The following SLC4A10 variants were observed in gnomAD, a reference collection of about 807,000 sequenced individuals.
SLC4A10 encodes the protein solute carrier family 4 member 10.
Under a neutral mutation model 137.7 loss-of-function variants are expected in SLC4A10, and 42 were observed. The ratio of observed to expected loss-of-function variants is 0.30; its 90% CI spans 0.24 to 0.39. The LOEUF is 0.39. Ranked by LOEUF, SLC4A10 falls within the 10% of genes least tolerant of loss-of-function variation. SLC4A10 has a pLI of 1.00. For synonymous variants in SLC4A10, 474 were observed against 464.1 expected, an observed-to-expected ratio of 1.02 and a Z score of -0.27; for missense variants, 925 against 1,355.0, an observed-to-expected ratio of 0.68 and a Z score of 4.98.
At chr2:161,882,581 A>C in intron 10 of SLC4A10, 137 bp downstream of exon 10, 1 of 479,628 alleles carries the variant, frequency 2.1e-6, no homozygotes, top group Non-Finnish European at 3.7e-6. Context: ...TTCTGCTATA[A>C]AATCTCCTTT....
intron 3 of SLC4A10, among the ~76,000 whole-genome samples, chr2:161,826,030 A>G (rs1183081320): frequency 6.6e-6 from 1 of 152,234 alleles, no homozygotes; most frequent in Non-Finnish European, 1.5e-5. Context: ...TAATGAAATT[A>G]CTAATTAGAA....
intron 1 of SLC4A10, among the ~76,000 whole-genome samples, chr2:161,650,031 A>G (rs904765484): frequency 3.3e-5 from 5 of 152,212 alleles, no homozygotes; most frequent in African/African-American, 4.8e-5. Context: ...CAACTAAGCT[A>G]TAGATTACAT....
chr2:161,720,266 G>A (rs1422965944), intron 1 of SLC4A10, among the ~76,000 whole-genome samples: 1 of 151,990 alleles, frequency 6.6e-6, no homozygotes, highest in Non-Finnish European at 1.5e-5. Flanking sequence ...CTCTGTTTTG[G>A]TACCAGTACC....
chr2:161,953,453 C>G (rs146357347), intron 19 of SLC4A10, among the ~76,000 whole-genome samples: 4,437 of 152,056 alleles, frequency 0.029, 97 homozygotes, highest in South Asian at 0.076. Flanking sequence ...ACTAAAAACA[C>G]AAAGATTAGC....
chr2:161,954,060 G>A (rs1284577655), intron 19 of SLC4A10, among the ~76,000 whole-genome samples: 1 of 152,138 alleles, frequency 6.6e-6, no homozygotes, highest in Non-Finnish European at 1.5e-5. Flanking sequence ...GACAGTTCAG[G>A]CTTCTTTTGA....
chr2:161,762,480 C>G (rs1177013025), intron 1 of SLC4A10, among the ~76,000 whole-genome samples: 1 of 152,040 alleles, frequency 6.6e-6, no homozygotes, highest in African/African-American at 2.4e-5. Context: ...TTGAGTCTTT[C>G]ATATTTGTAT....
At chr2:161,968,013 C>G (rs1465920680) in intron 23 of SLC4A10, among the ~76,000 whole-genome samples, 2 of 150,176 alleles carry the variant, frequency 1.3e-5, no homozygotes, top group African/African-American at 4.9e-5. Context: ...ATATAATCAT[C>G]TCTTTCACAG....
chr2:161,802,169 G>T (rs1056792993), intron 2 of SLC4A10, among the ~76,000 whole-genome samples: 1 of 151,990 alleles, frequency 6.6e-6, no homozygotes, highest in Non-Finnish European at 1.5e-5. Context: ...CCTGAATATA[G>T]AAACTATCTT....
chr2:161,906,415 C>T (rs978846961), intron 15 of SLC4A10, among the ~76,000 whole-genome samples: 3 of 152,156 alleles, frequency 2.0e-5, no homozygotes, highest in Non-Finnish European at 2.9e-5. Flanking sequence ...TGGAAATACT[C>T]AGATATTAGT....
intron 3 of SLC4A10, among the ~76,000 whole-genome samples, chr2:161,838,905 G>A (rs1329390117): frequency 1.3e-5 from 2 of 152,186 alleles, no homozygotes; most frequent in Non-Finnish European, 2.9e-5. Flanking sequence ...CAGTTTGGCA[G>A]TGTCTCAGAA....
intron 16 of SLC4A10, among the ~76,000 whole-genome samples, chr2:161,944,804 G>T (rs1391900298): frequency 3.3e-5 from 5 of 151,466 alleles, no homozygotes; most frequent in African/African-American, 1.2e-4. Context: ...TAAAATTTTT[G>T]TCTAATTGTT....
chr2:161,680,022 C>T (rs1177290278), intron 1 of SLC4A10, among the ~76,000 whole-genome samples: 2 of 152,044 alleles, frequency 1.3e-5, no homozygotes, highest in Non-Finnish European at 2.9e-5. Flanking sequence ...TTTCTGAATT[C>T]ACTATGATAC....
chr2:161,799,167 G>C (rs2055105636), intron 2 of SLC4A10, among the ~76,000 whole-genome samples: 1 of 151,416 alleles, frequency 6.6e-6, no homozygotes, highest in African/African-American at 2.4e-5. Flanking sequence ...ACCATTTTAT[G>C]AATTTAAGAA....
intron 2 of SLC4A10, among the ~76,000 whole-genome samples, chr2:161,785,814 A>C (rs992305833): frequency 6.6e-6 from 1 of 151,984 alleles, no homozygotes; most frequent in Non-Finnish European, 1.5e-5. Context: ...ACTTCCATTC[A>C]ACATAGTACT....
intron 2 of SLC4A10, among the ~76,000 whole-genome samples, chr2:161,776,374 C>T (rs2052334436): frequency 6.6e-6 from 1 of 151,884 alleles, no homozygotes; most frequent in Admixed American, 6.6e-5. Flanking sequence ...TCTTCTGCCC[C>T]CAATTCCTGT....
chr2:161,651,066 G>A (rs2036719068), intron 1 of SLC4A10: 1 of 152,664 alleles, frequency 6.6e-6, no homozygotes, highest in South Asian at 2.1e-4. Context: ...GTCAACCATG[G>A]ATCAATCAGC....
intron 3 of SLC4A10, among the ~76,000 whole-genome samples, chr2:161,811,802 T>C (rs1267472308): frequency 6.6e-6 from 1 of 151,996 alleles, no homozygotes; most frequent in African/African-American, 2.4e-5. Flanking sequence ...TTTCTTTTCC[T>C]TTATGTTTAT....
intron 2 of SLC4A10, among the ~76,000 whole-genome samples, chr2:161,782,909 G>A (rs2053210506): frequency 6.9e-6 from 1 of 145,244 alleles, no homozygotes; most frequent in African/African-American, 2.5e-5. Context: ...GGAGAAGAGA[G>A]AAGGAAAGAA....
chr2:161,934,458 C>T (rs986671745), intron 15 of SLC4A10, among the ~76,000 whole-genome samples: 54 of 152,238 alleles, frequency 3.5e-4, no homozygotes, highest in Admixed American at 2.8e-3. Flanking sequence ...CTTAATATAA[C>T]GACCTTCACT....
Sources: allele counts gnomAD v4.1 joint callset (sites outside exome capture counted in the v4.1 genomes callset), GRCh38; gene constraint gnomAD v4.1.1; transcripts MANE v1.5; gene names NCBI Gene and HGNC (gene_info 2026-07-23, HGNC 2026-07-21).